Variants in NBAS observed in about 807,000 individuals in gnomAD.
NBAS encodes the protein NBAS subunit of NRZ tethering complex.
A neutral mutation model predicts 302.5 loss-of-function variants in NBAS; 219 were observed. The observed-to-expected ratio is 0.72, with a 90% CI of 0.65 to 0.81. The LOEUF (loss-of-function observed/expected upper bound fraction) is 0.81. Among genes scored for constraint, NBAS ranks in the 30% least tolerant of loss-of-function variants. The pLI is 0.00. For synonymous variants in NBAS, 1,118 were observed against 1,021.6 expected (o/e 1.09, Z -1.80); for missense variants, 2,932 against 2,841.6 (o/e 1.03, Z -0.72).
intron 35 of NBAS, among the ~76,000 whole-genome samples, chr2:15,333,762 GA>G (rs200914210): frequency 0.03 from 2,183 of 71,936 alleles, 53 homozygotes; most frequent in East Asian, 0.18. Flanking sequence ...CTGGGAGAAA[GA>G]AAAAAAAAAA....
the NBAS span, among the ~76,000 whole-genome samples, chr2:14,966,602 C>A: frequency 6.6e-6 from 1 of 152,274 alleles, no homozygotes; most frequent in South Asian, 2.1e-4. Context: ...ACACTTCAAA[C>A]CTGTGTTACT....
chr2:14,894,458 GT>G, the NBAS span, among the ~76,000 whole-genome samples: 1 of 152,028 alleles, frequency 6.6e-6, no homozygotes, highest in African/African-American at 2.4e-5. Context: ...ATTTTGAAGA[GT>G]TTGAAAAAAT....
the NBAS span, among the ~76,000 whole-genome samples, chr2:15,160,679 C>T: frequency 7.9e-5 from 12 of 151,782 alleles, no homozygotes; most frequent in African/African-American, 2.4e-4. Flanking sequence ...ACAAGGGAAT[C>T]CCCCATTGAC....
the NBAS span, among the ~76,000 whole-genome samples, chr2:15,038,529 T>C: frequency 6.6e-6 from 1 of 152,234 alleles, no homozygotes; most frequent in Non-Finnish European, 1.5e-5. Context: ...TCTGGCTGTG[T>C]ACTTTTCACA....
At chr2:15,095,036 A>T in the NBAS span, among the ~76,000 whole-genome samples, 1 of 152,216 alleles carries the variant, frequency 6.6e-6, no homozygotes, top group African/African-American at 2.4e-5. Context: ...AATCTTCTCT[A>T]CAATCTTTGC....
the NBAS span, among the ~76,000 whole-genome samples, chr2:14,937,932 C>T: frequency 6.6e-6 from 1 of 152,072 alleles, no homozygotes; most frequent in Non-Finnish European, 1.5e-5. Flanking sequence ...AGCTCAAGAC[C>T]AGCCTGACCA....
chr2:15,028,018 C>T, the NBAS span, among the ~76,000 whole-genome samples: 1 of 152,064 alleles, frequency 6.6e-6, no homozygotes, highest in African/African-American at 2.4e-5. Flanking sequence ...TTTGATACAT[C>T]GCTGGGACTT....
intron 19 of NBAS, among the ~76,000 whole-genome samples, chr2:15,465,540 T>TA (rs1382374063): frequency 2.0e-5 from 3 of 152,218 alleles, no homozygotes; most frequent in Non-Finnish European, 4.4e-5. Context: ...AATTCGTTTT[T>TA]ATCTCATTTA....
intron 12 of NBAS, among the ~76,000 whole-genome samples, chr2:15,484,846 T>C (rs1443632386): frequency 6.6e-6 from 1 of 152,194 alleles, no homozygotes; most frequent in Non-Finnish European, 1.5e-5. Flanking sequence ...TATTTCACCA[T>C]TATGTTATTA....
chr2:15,355,811 A>G (rs911524507), intron 33 of NBAS, among the ~76,000 whole-genome samples: 14 of 152,170 alleles, frequency 9.2e-5, no homozygotes, highest in Admixed American at 8.5e-4. Context: ...ATGCTGCCCT[A>G]CTTCCTGTAC....
chr2:15,162,275 C>A (rs762431877), downstream of NBAS, among the ~76,000 whole-genome samples: 21 of 152,168 alleles, frequency 1.4e-4, no homozygotes, highest in Non-Finnish European at 2.6e-4. Flanking sequence ...AGTAGAAATT[C>A]CAGTGTGGCT....
intron 21 of NBAS, among the ~76,000 whole-genome samples, chr2:15,460,144 T>G (rs1572884546): frequency 6.6e-6 from 1 of 152,200 alleles, no homozygotes; most frequent in African/African-American, 2.4e-5. Context: ...GAATAACATC[T>G]CTTAGCACTG....
intron 48 of NBAS, among the ~76,000 whole-genome samples, chr2:15,207,371 C>T (rs1666196350): frequency 6.6e-6 from 1 of 152,176 alleles, no homozygotes; most frequent in South Asian, 2.1e-4. Context: ...ATTTTACAGG[C>T]TCGTAAGTGA....
chr2:14,851,813 G>C, the NBAS span, among the ~76,000 whole-genome samples: 1 of 27,592 alleles, frequency 3.6e-5, no homozygotes, highest in Non-Finnish European at 5.6e-5. Flanking sequence ...CATATAAACA[G>C]AGCCAAAGAC....
At chr2:15,468,256 G>C (rs1221858967) in intron 17 of NBAS, 126 bp downstream of exon 17, 1 of 1,141,560 alleles carries the variant, frequency 8.8e-7, no homozygotes, top group Non-Finnish European at 1.3e-6. Context: ...AGACAGTATT[G>C]ATCAAAAGCA....
intron 47 of NBAS, among the ~76,000 whole-genome samples, chr2:15,222,591 TATC>T (rs1202230235): frequency 6.6e-6 from 1 of 152,244 alleles, no homozygotes; most frequent in Non-Finnish European, 1.5e-5. Context: ...TGTATACTGT[TATC>T]ATCTCCAATT....
At chr2:14,863,097 C>T in the NBAS span, among the ~76,000 whole-genome samples, 1 of 152,214 alleles carries the variant, frequency 6.6e-6, no homozygotes, top group Admixed American at 6.5e-5. Context: ...GACACAATGT[C>T]TTCTTTACTC....
intron 6 of NBAS, among the ~76,000 whole-genome samples, chr2:15,549,979 C>A (rs954426226): frequency 1.3e-5 from 2 of 151,832 alleles, no homozygotes; most frequent in African/African-American, 4.8e-5. Context: ...AAGGCAAGAC[C>A]CTCGTCTCTA....
Position 15,277,026 on chromosome 2 carries a change from G to C in NBAS, c.5214C>G (p.Ala1738=), listed in dbSNP as rs766567985. The C allele has an allele frequency of 5.0e-6, 8 of 1,613,802 alleles. No individual in the cohort carries two copies. The East Asian group carries it at 1.8e-4, about 36-fold the overall frequency. ...TATACTTGACCATGTGCTGGTGAAA[G>C]GCTTCTGGATCAGTCTTCAAAGTCT... is the stretch of plus-strand genomic sequence containing the variant. ...LFETLKTDPE[A]FHQHMVKYIY... is the part of the protein sequence containing the mutation. The change falls in exon 43 of 52, where the codon GCC becomes GCG. Residue 1738 remains alanine, a synonymous_variant. Transcript: ENST00000281513.
Sources: gnomAD v4.1 joint callset for allele counts (sites outside exome capture counted in the v4.1 genomes callset) on GRCh38, gnomAD v4.1.1 for gene constraint, MANE v1.5 for transcripts, NCBI Gene and HGNC (gene_info 2026-07-23, HGNC 2026-07-21) for gene names.